The following PSD3 variants were observed in gnomAD, a reference collection of about 807,000 sequenced individuals.
The protein encoded by PSD3 is PH and SEC7 domain-containing protein 3.
In PSD3, 49 loss-of-function variants were observed where a neutral mutation model predicts 105.5. The observed-to-expected ratio is 0.46, with a 90% confidence interval of 0.37 to 0.59. The LOEUF is 0.59. PSD3 is among the 20% of genes least tolerant of loss of function. The probability of loss-of-function intolerance (pLI) is 0.00; values close to 1 mark genes in which losing one functional copy is unlikely to be tolerated. For synonymous variants in PSD3, 557 were observed against 457.8 expected (o/e 1.22, Z -2.77); for missense variants, 1,561 against 1,263.8 (o/e 1.24, Z -3.57).
chr8:18,994,887 G>C (rs115482294), intron 1 of PSD3, among the ~76,000 whole-genome samples: 2,189 of 151,700 alleles, frequency 0.014, 72 homozygotes, highest in African/African-American at 0.05. Context: ...GGAATTTTCA[G>C]AGTTCAGATA....
At chr8:18,568,230 T>C (rs983088994) in intron 14 of PSD3, among the ~76,000 whole-genome samples, 15 of 152,188 alleles carry the variant, frequency 9.9e-5, no homozygotes, top group Admixed American at 9.8e-4. Context: ...AGATACCCAG[T>C]GACCTCCCAG....
At chr8:19,057,698 A>G (rs945694815) in intron 1 of PSD3, among the ~76,000 whole-genome samples, 1 of 152,206 alleles carries the variant, frequency 6.6e-6, no homozygotes, top group Non-Finnish European at 1.5e-5. Context: ...CAAATAGGTT[A>G]TAAGGACACC....
At chr8:18,893,991 T>G (rs1019992641) in intron 2 of PSD3, among the ~76,000 whole-genome samples, 3 of 152,218 alleles carry the variant, frequency 2.0e-5, no homozygotes, top group African/African-American at 7.2e-5. Flanking sequence ...GCAATATCTA[T>G]CATCCAATCA....
At chr8:18,544,171 C>CAAAAAAAAAAAAAAAAAAA (rs201016537) in intron 15 of PSD3, among the ~76,000 whole-genome samples, 26 of 106,710 alleles carry the variant, frequency 2.4e-4, no homozygotes, top group South Asian at 3.7e-4. Context: ...AGAAACAAAC[C>CAAAAAAAAAAAAAAAAAAA]AAAAAAAAAA....
intron 9 of PSD3, among the ~76,000 whole-genome samples, chr8:18,693,138 A>C (rs1801062879): frequency 6.6e-6 from 1 of 152,210 alleles, no homozygotes; most frequent in South Asian, 2.1e-4. Flanking sequence ...GCTATTTCAA[A>C]CACATTTCCC....
At chr8:18,926,762 A>G (rs897580477) in intron 2 of PSD3, among the ~76,000 whole-genome samples, 3 of 152,148 alleles carry the variant, frequency 2.0e-5, no homozygotes, top group Non-Finnish European at 4.4e-5. Context: ...AATCAGTCCT[A>G]CAGAGGATAC....
intron 4 of PSD3, among the ~76,000 whole-genome samples, chr8:18,843,571 C>A (rs1465739513): frequency 2.0e-5 from 3 of 152,168 alleles, no homozygotes; most frequent in African/African-American, 7.2e-5. Flanking sequence ...CTTCTAATAA[C>A]AGCTTTGAGA....
chr8:18,966,655 C>T (rs535064730), intron 1 of PSD3, among the ~76,000 whole-genome samples: 1 of 151,780 alleles, frequency 6.6e-6, no homozygotes, highest in East Asian at 1.9e-4. Context: ...TTATGCCCTA[C>T]AACTGTTCTT....
chr8:18,809,747 G>T (rs1451586244), intron 4 of PSD3, among the ~76,000 whole-genome samples: 1 of 151,920 alleles, frequency 6.6e-6, no homozygotes, highest in African/African-American at 2.4e-5. Context: ...AATCCTTCTG[G>T]ATTTTTTCAC....
chr8:18,611,538 T>C (rs1049548209), intron 11 of PSD3, among the ~76,000 whole-genome samples: 3 of 152,186 alleles, frequency 2.0e-5, no homozygotes, highest in African/African-American at 7.2e-5. Context: ...TTTCTTCCTG[T>C]ATAAAACAGT....
At chr8:19,043,505 AGTT>A (rs1418289674) in intron 1 of PSD3, among the ~76,000 whole-genome samples, 1 of 152,168 alleles carries the variant, frequency 6.6e-6, no homozygotes, top group East Asian at 1.9e-4. Flanking sequence ...TTAGGTTTAG[AGTT>A]GTTGGGGGAA....
intron 15 of PSD3, among the ~76,000 whole-genome samples, chr8:18,554,260 G>A (rs1411995932): frequency 6.6e-6 from 1 of 152,164 alleles, no homozygotes; most frequent in Non-Finnish European, 1.5e-5. Flanking sequence ...AAACAAAACA[G>A]GCCTATGGCT....
At chr8:18,661,674 G>A (rs144082820) in intron 9 of PSD3, among the ~76,000 whole-genome samples, 7 of 152,272 alleles carry the variant, frequency 4.6e-5, no homozygotes, top group African/African-American at 1.7e-4. Context: ...ACCAAATAAG[G>A]TTATAGGTGA....
intron 14 of PSD3, among the ~76,000 whole-genome samples, chr8:18,561,461 G>T (rs1399074665): frequency 6.6e-6 from 1 of 152,144 alleles, no homozygotes; most frequent in Non-Finnish European, 1.5e-5. Flanking sequence ...GGTTACCAGA[G>T]GCTGGGGGCA....
In PSD3 at chr8:18,713,219, C is replaced by T. The variant is rs545943705; in HGVS notation, c.2172+52230G>A. On this transcript the variant is annotated intron_variant, in intron 9 of 15. Transcript: ENST00000327040. Reference sequence around the variant, plus strand: ...AGCAGGAAGCACACCCCTTGAAAACCGGCACAAGACAAGGATGCCCTCTTT... The same window carrying T: ...AGCAGGAAGCACACCCCTTGAAAACTGGCACAAGACAAGGATGCCCTCTTT... 1.3e-3 allele frequency among the ~76,000 whole-genome samples: 202 copies of T among 152,198 alleles called. 1 individual carries two copies. The highest frequency in any genetic ancestry group is 2.1e-3 in the Non-Finnish European group (145 of 68,012).
chr8:18,785,196 G>A (rs562541213), intron 8 of PSD3, among the ~76,000 whole-genome samples: 8 of 152,236 alleles, frequency 5.3e-5, no homozygotes, highest in African/African-American at 1.9e-4. Context: ...TATCACTGGG[G>A]CTTATATTGA....
intron 9 of PSD3, among the ~76,000 whole-genome samples, chr8:18,747,488 C>T (rs1805125461): frequency 6.6e-6 from 1 of 152,148 alleles, no homozygotes; most frequent in Admixed American, 6.5e-5. Flanking sequence ...GAGAAAACTA[C>T]AGGTGAAAGC....
At chr8:18,627,483 G>C (rs985420628) in intron 11 of PSD3, among the ~76,000 whole-genome samples, 1 of 152,042 alleles carries the variant, frequency 6.6e-6, no homozygotes, top group Non-Finnish European at 1.5e-5. Flanking sequence ...GGCTCACACA[G>C]GGCTAAGAAG....
chr8:18,801,157 G>A, intron 7 of PSD3, 113 bp downstream of exon 7: 1 of 616,254 alleles, frequency 1.6e-6, no homozygotes, highest in Non-Finnish European at 2.8e-6. Context: ...AGTGTTAATA[G>A]TTATCACTAG....
Sources: allele counts gnomAD v4.1 joint callset (sites outside exome capture counted in the v4.1 genomes callset), GRCh38; gene constraint gnomAD v4.1.1; transcripts MANE v1.5; gene names NCBI Gene and HGNC (gene_info 2026-07-23, HGNC 2026-07-21).